TYW1: variants seen among roughly 807,000 people sequenced by gnomAD.
TYW1 encodes S-adenosyl-L-methionine-dependent tRNA 4-demethylwyosine synthase TYW1.
In TYW1, 46 loss-of-function variants were observed where a neutral mutation model predicts 96.2. The observed-to-expected ratio is 0.48, with a 90% CI of 0.38 to 0.61. The LOEUF (loss-of-function observed/expected upper bound fraction) is 0.61, where lower values mean the gene tolerates loss of function less well. TYW1 is among the 20% of genes least tolerant of loss of function. The pLI, the probability that TYW1 is intolerant of heterozygous loss-of-function variation, is 0.00. For synonymous variants in TYW1, 274 were observed against 323.0 expected, an observed-to-expected ratio of 0.85 and a Z score of 1.63; for missense variants, 684 against 909.6, an observed-to-expected ratio of 0.75 and a Z score of 3.19.
chr7:67,176,093 T>A (rs1011634846), intron 13 of TYW1, among the ~76,000 whole-genome samples: 55 of 152,320 alleles, frequency 3.6e-4, no homozygotes, highest in African/African-American at 1.3e-3. Context: ...CAGTTATATT[T>A]CTGTATACCA....
intron 13 of TYW1, among the ~76,000 whole-genome samples, chr7:67,122,328 G>T (rs1797784535): frequency 6.6e-6 from 1 of 152,156 alleles, no homozygotes; most frequent in African/African-American, 2.4e-5. Flanking sequence ...GCTACGAGGG[G>T]CTTATTGTAC....
chr7:66,999,147 T>C (rs1336869781), intron 3 of TYW1, among the ~76,000 whole-genome samples, 193 bp downstream of exon 3: 2 of 152,228 alleles, frequency 1.3e-5, no homozygotes, highest in Non-Finnish European at 2.9e-5. Context: ...TTTCATCTCC[T>C]GTGCCCAGTT....
intron 13 of TYW1, among the ~76,000 whole-genome samples, chr7:67,168,033 G>A (rs1197934483): frequency 3.3e-5 from 5 of 152,008 alleles, no homozygotes; most frequent in African/African-American, 4.8e-5. Flanking sequence ...GATTATAGGT[G>A]TGAGCCCCAG....
chr7:67,050,170 G>C, intron 8 of TYW1, 104 bp downstream of exon 8: 1 of 1,329,456 alleles, frequency 7.5e-7, no homozygotes, highest in Non-Finnish European at 1.1e-6. Context: ...GCTGTTCATA[G>C]TGGCAGATAT....
intron 13 of TYW1, among the ~76,000 whole-genome samples, chr7:67,181,611 T>G (rs1328629724): frequency 6.6e-6 from 1 of 151,040 alleles, no homozygotes; most frequent in African/African-American, 2.4e-5. Flanking sequence ...CACTTTACTG[T>G]TTTTTTTTCT....
intron 5 of TYW1, among the ~76,000 whole-genome samples, chr7:67,016,991 T>TG (rs1203316104): frequency 1.3e-5 from 2 of 149,910 alleles, no homozygotes; most frequent in Admixed American, 1.3e-4. Flanking sequence ...TTTTTTTTTT[T>TG]TTTTTTTTTT....
At chr7:67,102,557 C>G (rs1451312110) in intron 12 of TYW1, among the ~76,000 whole-genome samples, 1 of 152,112 alleles carries the variant, frequency 6.6e-6, no homozygotes, top group Non-Finnish European at 1.5e-5. Flanking sequence ...CAAATTTCTC[C>G]GATCCTGAAA....
At chr7:67,209,234 G>T (rs1277267798) in intron 15 of TYW1, among the ~76,000 whole-genome samples, 1 of 152,224 alleles carries the variant, frequency 6.6e-6, no homozygotes, top group Admixed American at 6.5e-5. Context: ...TGAGCTAGAG[G>T]GACAAGGAGA....
chr7:67,091,004 G>A (rs1353300428), intron 11 of TYW1, among the ~76,000 whole-genome samples: 11 of 152,112 alleles, frequency 7.2e-5, no homozygotes, highest in Admixed American at 4.6e-4. Flanking sequence ...AAGACAGTGT[G>A]GCGATTCCTC....
chr7:67,002,923 C>T (rs1421434720), intron 3 of TYW1, among the ~76,000 whole-genome samples: 1 of 148,524 alleles, frequency 6.7e-6, no homozygotes, highest in Non-Finnish European at 1.5e-5. Flanking sequence ...GCATTGGCCT[C>T]CCAAAGTGCT....
At chr7:67,205,396 G>C (rs907136708) in intron 15 of TYW1, among the ~76,000 whole-genome samples, 24 of 151,746 alleles carry the variant, frequency 1.6e-4, no homozygotes, top group Admixed American at 7.9e-4. Context: ...CGGGGGGGGG[G>C]CCTTATTGCT....
chr7:67,111,775 A>G (rs758437412), intron 12 of TYW1, among the ~76,000 whole-genome samples: 1 of 152,192 alleles, frequency 6.6e-6, no homozygotes, highest in South Asian at 2.1e-4. Context: ...GAGAAATCAC[A>G]AAGTACATTC....
At chr7:67,215,336 T>C (rs1801167841) in intron 15 of TYW1, among the ~76,000 whole-genome samples, 1 of 152,132 alleles carries the variant, frequency 6.6e-6, no homozygotes, top group Non-Finnish European at 1.5e-5. Context: ...TTAACCTAGG[T>C]TAACTCTTAA....
chr7:67,204,716 C>T (rs890203805), intron 15 of TYW1, among the ~76,000 whole-genome samples: 2 of 152,036 alleles, frequency 1.3e-5, no homozygotes, highest in African/African-American at 4.8e-5. Flanking sequence ...GCCTCAGCCT[C>T]CTGAGTAGCT....
At position 67,055,948 on chromosome 7, in the gene TYW1, A is replaced by G. The variant is rs569382686; in HGVS notation, c.1155+61A>G. The G allele has an allele frequency of 1.2e-5, 15 of 1,214,424 alleles. No homozygotes were observed. The South Asian group carries it at 1.7e-4, about 14-fold the overall frequency. The allele number at this position is 1,214,424 out of a possible 1,614,324, so 75.2% of individuals were successfully genotyped here. ...ATGCAACTTTTAAATAGCTATTATT[A>G]TACACTGTCTATAAATTTACTATTT... On this transcript the variant is annotated intron_variant, in intron 9 of 15. Coordinates refer to ENST00000359626, the MANE Select transcript of TYW1 (RefSeq NM_018264.4).
intron 10 of TYW1, among the ~76,000 whole-genome samples, chr7:67,081,887 C>T (rs1425531367): frequency 3.4e-5 from 5 of 145,150 alleles, no homozygotes; most frequent in Non-Finnish European, 7.5e-5. Context: ...TGTTTGTTCT[C>T]CTTGATCTAG....
chr7:67,113,351 C>T (rs560287302), intron 12 of TYW1, among the ~76,000 whole-genome samples: 3 of 152,192 alleles, frequency 2.0e-5, no homozygotes, highest in Non-Finnish European at 4.4e-5. Flanking sequence ...GTGCATAAGC[C>T]CCTGAAAAGA....
chr7:67,120,718 T>G (rs1797735706), intron 13 of TYW1, among the ~76,000 whole-genome samples: 1 of 152,226 alleles, frequency 6.6e-6, no homozygotes, highest in Non-Finnish European at 1.5e-5. Context: ...CAAGGAAACA[T>G]TAACACAATA....
intron 15 of TYW1, among the ~76,000 whole-genome samples, chr7:67,226,271 G>A (rs1482904761): frequency 1.3e-5 from 2 of 152,090 alleles, no homozygotes; most frequent in Non-Finnish European, 2.9e-5. Context: ...TCTTGCTAGG[G>A]ACCCGATGGC....
Sources: allele counts gnomAD v4.1 joint callset (sites outside exome capture counted in the v4.1 genomes callset), GRCh38; gene constraint gnomAD v4.1.1; transcripts MANE v1.5; gene names NCBI Gene and HGNC (gene_info 2026-07-23, HGNC 2026-07-21).